SLC25A21: variants seen among roughly 807,000 people sequenced by gnomAD.
The protein encoded by SLC25A21 is solute carrier family 25 member 21, also known as mitochondrial 2-oxodicarboxylate carrier.
SLC25A21 carries 47 observed loss-of-function variants against 43.8 expected under a neutral mutation model. The ratio of observed to expected loss-of-function variants is 1.07; its 90% CI spans 0.85 to 1.37. SLC25A21 has a LOEUF of 1.37. SLC25A21 is among the 40% of genes most tolerant of loss of function. The pLI is 0.00. For synonymous variants in SLC25A21, 131 were observed against 121.3 expected (o/e 1.08, Z -0.52); for missense variants, 352 against 350.2 (o/e 1.00, Z -0.04).
chr14:37,038,205 C>T (rs1407738427), intron 1 of SLC25A21, among the ~76,000 whole-genome samples: 1 of 152,136 alleles, frequency 6.6e-6, no homozygotes, highest in Non-Finnish European at 1.5e-5. Context: ...AAATGACACT[C>T]ATTGTCCTTT....
intron 9 of SLC25A21, 139 bp from the exon 10 acceptor site, chr14:36,680,858 T>C: frequency 5.6e-6 from 3 of 533,438 alleles, no homozygotes; most frequent in Non-Finnish European, 9.4e-6. Context: ...GGAGCTTCAA[T>C]ACCAAGATAT....
chr14:36,902,948 G>A (rs894399167), intron 1 of SLC25A21, among the ~76,000 whole-genome samples: 1 of 152,128 alleles, frequency 6.6e-6, no homozygotes, highest in African/African-American at 2.4e-5. Flanking sequence ...TTGCACCACT[G>A]TACTCCAGCT....
chr14:36,708,773 T>A (rs1883696253), intron 7 of SLC25A21, among the ~76,000 whole-genome samples: 1 of 140,480 alleles, frequency 7.1e-6, no homozygotes. Context: ...TTTGTAGCGA[T>A]GAGGTCTCAC....
At chr14:36,794,850 G>A (rs1011935721) in intron 3 of SLC25A21, among the ~76,000 whole-genome samples, 1 of 151,226 alleles carries the variant, frequency 6.6e-6, no homozygotes, top group African/African-American at 2.4e-5. Context: ...ATGGCTCAGG[G>A]CATATATGAA....
rs77016404 is a variant in SLC25A21 at position 37,037,895 on chromosome 14, G to A, written c.70+134386C>T. ...CAATCCTGTTTGCACATTGACAGGA[G>A]AAATCGCTTGGGAAAATGGTTCTGT... On this transcript the variant is annotated intron_variant, in intron 1 of 9. Transcript: ENST00000331299. Among the ~76,000 whole-genome samples the A allele has an allele frequency of 3.5e-3, 528 of 152,274 alleles. 4 individuals are homozygous for A. Among genetic ancestry groups the A allele is most frequent in the African/African-American group, 0.012 (485 of 41,558 alleles).
chr14:36,925,123 G>T (rs1042469501), intron 1 of SLC25A21, among the ~76,000 whole-genome samples: 1 of 152,040 alleles, frequency 6.6e-6, no homozygotes, highest in Non-Finnish European at 1.5e-5. Context: ...ATATTAAAAC[G>T]CAATAGTAAA....
intron 1 of SLC25A21, among the ~76,000 whole-genome samples, chr14:37,015,105 T>C (rs1960819782): frequency 6.6e-6 from 1 of 152,044 alleles, no homozygotes; most frequent in African/African-American, 2.4e-5. Context: ...GTTAGTTACA[T>C]ATGTATACAT....
intron 2 of SLC25A21, among the ~76,000 whole-genome samples, chr14:36,851,836 TGATG>T (rs1889748816): frequency 6.6e-6 from 1 of 152,186 alleles, no homozygotes; most frequent in African/African-American, 2.4e-5. Flanking sequence ...TGATACACAC[TGATG>T]TTTGCTTGCT....
intron 2 of SLC25A21, among the ~76,000 whole-genome samples, chr14:36,838,137 G>C (rs2138492987): frequency 1.3e-5 from 2 of 152,320 alleles, no homozygotes; most frequent in African/African-American, 4.8e-5. Context: ...TGAAACGTAA[G>C]GAAATGGGGC....
At chr14:36,874,283 T>A (rs1168997654) in intron 2 of SLC25A21, among the ~76,000 whole-genome samples, 3 of 152,184 alleles carry the variant, frequency 2.0e-5, no homozygotes, top group African/African-American at 2.4e-5. Flanking sequence ...TGCAAATAAA[T>A]GGAAATTTTC....
chr14:37,116,400 G>C (rs1415782667), intron 1 of SLC25A21, among the ~76,000 whole-genome samples: 2 of 152,094 alleles, frequency 1.3e-5, no homozygotes, highest in Non-Finnish European at 2.9e-5. Flanking sequence ...GGTACTACAA[G>C]GCATATTTGA....
intron 3 of SLC25A21, among the ~76,000 whole-genome samples, chr14:36,779,609 CATATATATATATATATATAT>C (rs35392668): frequency 3.3e-5 from 4 of 122,474 alleles, no homozygotes; most frequent in East Asian, 2.2e-4. Context: ...TATGTGTATA[CATATATATATATATATATAT>C]ATATATATAT....
At chr14:36,893,197 C>T (rs2065848393) in intron 1 of SLC25A21, among the ~76,000 whole-genome samples, 1 of 152,174 alleles carries the variant, frequency 6.6e-6, no homozygotes, top group Non-Finnish European at 1.5e-5. Flanking sequence ...TCTCCACATC[C>T]TCTCCAGCAC....
intron 1 of SLC25A21, among the ~76,000 whole-genome samples, chr14:36,996,397 G>T (rs1156722589): frequency 1.3e-5 from 2 of 152,070 alleles, no homozygotes; most frequent in African/African-American, 4.8e-5. Flanking sequence ...TAAAAGAAAG[G>T]TCTCTGGAGC....
At chr14:36,681,786 A>C (rs1659899487) in intron 9 of SLC25A21, among the ~76,000 whole-genome samples, 1 of 152,158 alleles carries the variant, frequency 6.6e-6, no homozygotes. Context: ...CATATACCAA[A>C]GATAATTATC....
chr14:36,837,387 G>A (rs866307732), intron 2 of SLC25A21, among the ~76,000 whole-genome samples: 2 of 152,062 alleles, frequency 1.3e-5, no homozygotes, highest in African/African-American at 4.8e-5. Flanking sequence ...GCACACACAC[G>A]AGAGGGGACC....
At chr14:37,145,296 C>T (rs976847249) in intron 1 of SLC25A21, among the ~76,000 whole-genome samples, 7 of 151,908 alleles carry the variant, frequency 4.6e-5, no homozygotes, top group Admixed American at 3.3e-4. Flanking sequence ...GATGGGGTCT[C>T]GCTCTGTTGC....
rs528270195 is a variant in SLC25A21 at position 37,126,349 on chromosome 14, C to T, written c.70+45932G>A. ...AAATGGTACTTGGCCAATATCAATG[C>T]CCTCACTATAATATACCTAATTTTT... On this transcript the variant is annotated intron_variant, in intron 1 of 9. Transcript: ENST00000331299. Among the ~76,000 whole-genome samples, 157 of 151,964 alleles carry T rather than the reference C, an allele frequency of 1.0e-3. 6 individuals are homozygous for T. The highest frequency in any genetic ancestry group is 7.2e-4 in the Non-Finnish European group (49 of 68,008).
intron 1 of SLC25A21, among the ~76,000 whole-genome samples, chr14:37,015,181 TC>T (rs1960822836): frequency 3.3e-5 from 4 of 119,408 alleles, no homozygotes; most frequent in Admixed American, 1.8e-4. Context: ...CCTAACGCTA[TC>T]CCTCCCCCCT....
Sources: gnomAD v4.1 joint callset for allele counts (sites outside exome capture counted in the v4.1 genomes callset) on GRCh38, gnomAD v4.1.1 for gene constraint, MANE v1.5 for transcripts, NCBI Gene and HGNC (gene_info 2026-07-23, HGNC 2026-07-21) for gene names.